Variants in SPG11 observed in about 807,000 individuals in gnomAD.
SPG11 encodes the protein spatacsin.
A neutral mutation model predicts 274.0 loss-of-function variants in SPG11; 222 were observed. That is an observed-to-expected ratio of 0.81 (90% CI 0.73 to 0.91). The LOEUF is 0.91. Among genes scored for constraint, SPG11 ranks in the 40% least tolerant of loss-of-function variants. The pLI is 0.00. For synonymous variants in SPG11, 1,144 were observed against 1,039.7 expected, an observed-to-expected ratio of 1.10 and a Z score of -1.93; for missense variants, 3,114 against 2,872.7, an observed-to-expected ratio of 1.08 and a Z score of -1.92.
In SPG11 at chr15:44,598,624, G is replaced by A. The variant is rs750799739; in HGVS notation, c.3892+7C>T. 6.2e-7 allele frequency: 1 copy of A among 1,613,392 alleles called. No individual in the cohort carries two copies. Among genetic ancestry groups the A allele is most frequent in the Admixed American group, 1.7e-5 (1 of 60,014 alleles). On this transcript the variant is annotated splice_region_variant and intron_variant, in intron 22 of 39. Transcript: ENST00000261866. ...AAACAAAGCAGGCCAGATAAAAGGT[G>A]CTGTACCTACAGACTCTCTGATAAA...
intron 4 of SPG11, among the ~76,000 whole-genome samples, chr15:44,653,265 G>A (rs1331791172): frequency 6.6e-6 from 1 of 152,106 alleles, no homozygotes; most frequent in African/African-American, 2.4e-5. Flanking sequence ...GGAAGAAGGG[G>A]AAGGATTTTA....
intron 11 of SPG11, among the ~76,000 whole-genome samples, chr15:44,624,835 T>A (rs2083853004): frequency 6.6e-6 from 1 of 152,048 alleles, no homozygotes; most frequent in African/African-American, 2.4e-5. Context: ...GGGGAAAATA[T>A]CTTCAAGAAA....
intron 28 of SPG11, among the ~76,000 whole-genome samples, chr15:44,586,280 C>CA (rs977235924): frequency 1.7e-4 from 25 of 151,246 alleles, no homozygotes; most frequent in African/African-American, 5.6e-4. Flanking sequence ...AGCTGTATAC[C>CA]AAAAAAAATG....
intron 12 of SPG11, 91 bp from the exon 13 acceptor site, chr15:44,622,438 G>A (rs2083779914): frequency 1.9e-6 from 2 of 1,061,964 alleles, no homozygotes; most frequent in African/African-American, 1.6e-5. Context: ...AGGTAGTGCT[G>A]GGAATTAAAG....
intron 11 of SPG11, among the ~76,000 whole-genome samples, chr15:44,625,398 G>A (rs1256217600): frequency 1.3e-5 from 2 of 152,150 alleles, no homozygotes; most frequent in East Asian, 3.9e-4. Context: ...CCTGTTGGGA[G>A]GTGACTGGAT....
At chr15:44,585,948 A>C in intron 28 of SPG11, 98 bp from the exon 29 acceptor site, 1 of 1,048,244 alleles carries the variant, frequency 9.5e-7, no homozygotes, top group Non-Finnish European at 1.5e-6. Flanking sequence ...TACGTGTTTA[A>C]CATAGTAATG....
chr15:44,587,644 T>C (rs1472049442), intron 28 of SPG11, among the ~76,000 whole-genome samples: 2 of 127,152 alleles, frequency 1.6e-5, no homozygotes, highest in African/African-American at 6.2e-5. Flanking sequence ...TGCAGTGAGC[T>C]GAGAACGTGC....
Position 44,585,772 on chromosome 15 carries a change from G to C in SPG11, c.4985C>G (p.Thr1662Ser). ...CTGAAGATTCTCAATGCTGTAGCTG[G>C]TAATAATTGTATGATTAATGGCTAT... ...TSIAINHTII[T>S]SYSIENLQHE... is the part of the protein sequence containing the mutation. Residue 1662 changes from threonine to serine, a missense_variant, in exon 29 of 40, where the codon ACC (threonine) becomes AGC (serine). By Grantham distance (58) the Thr-to-Ser change is moderately conservative. Transcript: ENST00000261866. 10 of 1,613,958 alleles carry C rather than the reference G, an allele frequency of 6.2e-6. No individual in the cohort carries two copies. The highest frequency in any genetic ancestry group is 8.5e-6 in the Non-Finnish European group (10 of 1,179,964).
chr15:44,569,525 C>CATG lies in SPG11; in HGVS notation c.6478-21_6478-20insCAT. The CATG allele has an allele frequency of 6.5e-7, 1 of 1,543,208 alleles. No individual in the cohort carries two copies. The highest frequency in any genetic ancestry group is 8.8e-7 in the Non-Finnish European group (1 of 1,133,496). ...CCGTACCTGTGAAGTGGGAGGACAG[C>CATG]TCGCATCAGCATCACCTGGAGTCTG... On this transcript the variant is annotated intron_variant, in intron 34 of 39. Coordinates refer to ENST00000261866, the MANE Select transcript of SPG11 (RefSeq NM_025137.4).
chr15:44,628,840 T>C lies in SPG11; in HGVS notation c.1896A>G (p.Leu632=), dbSNP rs1595898295. ...TCACTCCTTTTTGCAGATGTTCATC[T>C]AGTTCTATGGAAAATACCAATGTGC... The part of the protein sequence containing the change: ...IKELFIHTEE[L]DEHLQKGVNI... Residue 632 remains leucine, a synonymous_variant, in exon 10 of 40, where the codon CTA becomes CTG. Coordinates refer to ENST00000261866, the MANE Select transcript of SPG11 (RefSeq NM_025137.4). The C allele has an allele frequency of 6.2e-7, 1 of 1,612,882 alleles. No homozygotes were observed. The highest frequency in any genetic ancestry group is 8.5e-7 in the Non-Finnish European group (1 of 1,179,798).
intron 29 of SPG11, among the ~76,000 whole-genome samples, chr15:44,585,295 A>G (rs991723762): frequency 6.6e-6 from 1 of 152,070 alleles, no homozygotes; most frequent in African/African-American, 2.4e-5. Context: ...AAATAACTTA[A>G]AAAGACCAAT....
intron 7 of SPG11, among the ~76,000 whole-genome samples, chr15:44,646,043 T>C (rs902267618): frequency 5.3e-5 from 8 of 152,156 alleles, no homozygotes; most frequent in African/African-American, 1.4e-4. Flanking sequence ...GAATGTAAAT[T>C]AGCTCAGCCA....
chr15:44,639,621 G>C (rs1016331165), intron 7 of SPG11, among the ~76,000 whole-genome samples: 4 of 151,926 alleles, frequency 2.6e-5, no homozygotes, highest in Non-Finnish European at 5.9e-5. Context: ...GGTATCCCTT[G>C]CAACTGGGAG....
chr15:44,662,650 TAAAAAAAA>T (rs527806518), intron 1 of SPG11, among the ~76,000 whole-genome samples: 7 of 91,192 alleles, frequency 7.7e-5, no homozygotes, highest in East Asian at 6.3e-4. Context: ...ACCTTATCTT[TAAAAAAAA>T]AAAAAAAAAA....
chr15:44,578,876 C>A (rs2082600849), intron 30 of SPG11, among the ~76,000 whole-genome samples: 1 of 152,218 alleles, frequency 6.6e-6, no homozygotes, highest in African/African-American at 2.4e-5. Flanking sequence ...CCAGATGCAG[C>A]CAGTTGTGGC....
intron 15 of SPG11, 76 bp from the exon 16 acceptor site, chr15:44,615,642 G>C: frequency 2.4e-6 from 3 of 1,260,164 alleles, no homozygotes; most frequent in Non-Finnish European, 3.5e-6. Flanking sequence ...CCACAGTTTA[G>C]GTCTCAATTA....
chr15:44,584,355 C>G lies in SPG11; in HGVS notation c.5325G>C (p.Leu1775=). 1 of 1,611,024 alleles carries G rather than the reference C, an allele frequency of 6.2e-7. No homozygotes were observed. Among genetic ancestry groups the G allele is most frequent in the Non-Finnish European group, 8.5e-7 (1 of 1,177,836 alleles). ...GWSSMEERHL[L]LTLAGHWLAQ... ...CAAGCCAGTGCCCTGCCAAGGTGAGCAGCAGATGGCGCTCCTCCATGCTGC... is the reference window on the plus strand; with the variant it reads ...CAAGCCAGTGCCCTGCCAAGGTGAGGAGCAGATGGCGCTCCTCCATGCTGC... The change falls in exon 30 of 40, where the codon CTG becomes CTC. Residue 1775 remains leucine, a synonymous_variant. Coordinates refer to ENST00000261866, the MANE Select transcript of SPG11 (RefSeq NM_025137.4).
At chr15:44,659,913 T>A (rs1164070084) in intron 2 of SPG11, among the ~76,000 whole-genome samples, 1 of 152,118 alleles carries the variant, frequency 6.6e-6, no homozygotes, top group Non-Finnish European at 1.5e-5. Flanking sequence ...ATATAAAAGT[T>A]AGCTGGGCGT....
At chr15:44,611,273 A>C (rs1185915320) in intron 17 of SPG11, among the ~76,000 whole-genome samples, 2 of 152,196 alleles carry the variant, frequency 1.3e-5, no homozygotes, top group Non-Finnish European at 2.9e-5. Flanking sequence ...AGAGTTGCTG[A>C]GTTTGTTCTC....
Sources: allele counts gnomAD v4.1 joint callset (sites outside exome capture counted in the v4.1 genomes callset), GRCh38; gene constraint gnomAD v4.1.1; transcripts MANE v1.5; gene names NCBI Gene and HGNC (gene_info 2026-07-23, HGNC 2026-07-21).